Variants in MAP3K13 observed in about 807,000 individuals in gnomAD.
MAP3K13 encodes leucine zipper-bearing kinase.
MAP3K13 carries 52 observed loss-of-function variants against 104.0 expected under a neutral mutation model. The ratio of observed to expected loss-of-function variants is 0.50; its 90% confidence interval spans 0.40 to 0.63. The LOEUF (loss-of-function observed/expected upper bound fraction) is 0.63, where lower values mean the gene tolerates loss of function less well. Among genes scored for constraint, MAP3K13 ranks in the 20% least tolerant of loss-of-function variants. The pLI is 0.00. For synonymous variants in MAP3K13, 394 were observed against 442.2 expected (o/e 0.89, Z 1.37); for missense variants, 914 against 1,218.5 (o/e 0.75, Z 3.72).
chr3:185,319,615 T>C (rs1011689114), intron 2 of MAP3K13, among the ~76,000 whole-genome samples: 2 of 152,228 alleles, frequency 1.3e-5, no homozygotes, highest in Non-Finnish European at 2.9e-5. Context: ...TGAATGCTTC[T>C]TCAGTCCTTC....
intron 3 of MAP3K13, among the ~76,000 whole-genome samples, chr3:185,442,908 C>T (rs1305353092): frequency 6.6e-6 from 1 of 151,770 alleles, no homozygotes; most frequent in African/African-American, 2.4e-5. Context: ...GGTGCAATCT[C>T]GGCTCACTGC....
chr3:185,470,507 C>CGTCT (rs1204977656), intron 10 of MAP3K13, among the ~76,000 whole-genome samples: 2 of 152,160 alleles, frequency 1.3e-5, no homozygotes, highest in African/African-American at 2.4e-5. Flanking sequence ...CGCACTAGCC[C>CGTCT]GTCTCTTCCT....
chr3:185,425,016 T>G lies in MAP3K13; in HGVS notation c.-85-3481T>G, dbSNP rs143228821. Among the ~76,000 whole-genome samples, 584 of 152,292 alleles carry G rather than the reference T, an allele frequency of 3.8e-3. 4 individuals carry two copies. Among genetic ancestry groups the G allele is most frequent in the African/African-American group, 0.013 (539 of 41,566 alleles). On this transcript the variant is annotated intron_variant, in intron 1 of 13. Transcript: ENST00000265026. ...GCTAATTTTTGTATTTTCTGTAATTTCTGTATTTTTTGTAATGTTTGTATT... is the reference window on the plus strand; with the variant it reads ...GCTAATTTTTGTATTTTCTGTAATTGCTGTATTTTTTGTAATGTTTGTATT...
intron 2 of MAP3K13, among the ~76,000 whole-genome samples, chr3:185,320,734 T>TA (rs1193065136): frequency 5.3e-5 from 8 of 152,254 alleles, no homozygotes; most frequent in Non-Finnish European, 1.0e-4. Context: ...AGATGGAAAA[T>TA]ATGAGAGCAA....
At chr3:185,301,414 C>G (rs1721105443) in intron 2 of MAP3K13, among the ~76,000 whole-genome samples, 1 of 151,870 alleles carries the variant, frequency 6.6e-6, no homozygotes, top group African/African-American at 2.4e-5. Flanking sequence ...GTTGCCTTTT[C>G]ACTCTTAGAT....
In MAP3K13 at chr3:185,450,128, G is replaced by T; in HGVS notation, c.1169+70G>T. 7.2e-7 allele frequency: 1 copy of T among 1,388,338 alleles called. No individual in the cohort carries two copies. Among genetic ancestry groups the T allele is most frequent in the Middle Eastern group, 1.9e-4 (1 of 5,152 alleles). The allele number at this position is 1,388,338 out of a possible 1,614,324, so 86.0% of individuals were successfully genotyped here. ...ATTTGGAGTAAATATCCTGGTGGTG[G>T]AAAGAATAGGAGCTTTGGAGTAGGA... On this transcript the variant is annotated intron_variant, in intron 6 of 13. Transcript: ENST00000265026. This position sits in a 1 kb window ranked among gnomAD's most constrained non-coding sequence, Gnocchi z 4.2.
chr3:185,347,825 A>G (rs756960880), intron 2 of MAP3K13, among the ~76,000 whole-genome samples: 2 of 152,102 alleles, frequency 1.3e-5, no homozygotes, highest in African/African-American at 2.4e-5. Flanking sequence ...CCTGGCCAAC[A>G]TGGTGAAACC....
intron 1 of MAP3K13, among the ~76,000 whole-genome samples, chr3:185,387,535 A>G (rs936639595): frequency 1.3e-5 from 2 of 152,180 alleles, no homozygotes; most frequent in Non-Finnish European, 2.9e-5. Flanking sequence ...AGCCTCGGGT[A>G]TTCCTTTTTA....
intron 1 of MAP3K13, among the ~76,000 whole-genome samples, chr3:185,375,921 G>A (rs1461273847): frequency 1.3e-5 from 2 of 152,192 alleles, no homozygotes; most frequent in African/African-American, 2.4e-5. Flanking sequence ...TTGACGCATA[G>A]TCGCTTTGCA....
In MAP3K13 at chr3:185,454,854, TACATGATATATATATGAGATATATATATG is replaced by T. The variant is rs1716291363; in HGVS notation, c.1278+3461_1278+3489del. Among the ~76,000 whole-genome samples the T allele has an allele frequency of 1.3e-4, 9 of 71,626 alleles. No homozygotes were observed. In the South Asian group the frequency reaches 3.1e-3, roughly 24 times the overall value. 47.0% of individuals were successfully genotyped at this position (71,626 alleles called of 152,430 possible). On this transcript the variant is annotated intron_variant, in intron 7 of 13. Transcript: ENST00000265026. ...ATACATGATATATATATGAGATATA[TACATGATATATATATGAGATATATATATG>T]ATATATATATGAGATATATATATGA...
intron 2 of MAP3K13, among the ~76,000 whole-genome samples, chr3:185,334,378 A>C (rs956912583): frequency 2.6e-5 from 4 of 152,218 alleles, no homozygotes; most frequent in Non-Finnish European, 5.9e-5. Flanking sequence ...AAAGTAACAA[A>C]AAGGTAAATG....
At chr3:185,425,642 G>T (rs1425805203) in intron 1 of MAP3K13, among the ~76,000 whole-genome samples, 5 of 152,056 alleles carry the variant, frequency 3.3e-5, no homozygotes, top group African/African-American at 1.2e-4. Context: ...GCTCTCTGTT[G>T]TCATGAGGAT....
At chr3:185,474,013 T>A (rs1717965883) in intron 11 of MAP3K13, among the ~76,000 whole-genome samples, 1 of 152,160 alleles carries the variant, frequency 6.6e-6, no homozygotes, top group African/African-American at 2.4e-5. Context: ...AATAACTTAT[T>A]TATAGATAAC....
At chr3:185,434,016 C>T (rs962965950) in intron 2 of MAP3K13, among the ~76,000 whole-genome samples, 2 of 151,746 alleles carry the variant, frequency 1.3e-5, no homozygotes, top group African/African-American at 2.4e-5. Flanking sequence ...ATACCATACA[C>T]CAAAATAAGT....
At chr3:185,296,047 G>A (rs2108676409) in intron 2 of MAP3K13, among the ~76,000 whole-genome samples, 1 of 152,150 alleles carries the variant, frequency 6.6e-6, no homozygotes, top group East Asian at 1.9e-4. Flanking sequence ...TTCAAGACCA[G>A]CAACACAGTG....
chr3:185,397,891 T>C (rs1712522885), intron 1 of MAP3K13, among the ~76,000 whole-genome samples: 1 of 152,104 alleles, frequency 6.6e-6, no homozygotes, highest in Non-Finnish European at 1.5e-5. Flanking sequence ...AGCCTGCCCA[T>C]ATGCCAGTAA....
intron 2 of MAP3K13, among the ~76,000 whole-genome samples, chr3:185,436,928 G>C (rs904280313): frequency 7.4e-6 from 1 of 135,372 alleles, no homozygotes; most frequent in African/African-American, 2.7e-5. Flanking sequence ...TTGAACCCCA[G>C]AGGCAGAGGT....
chr3:185,352,534 A>G (rs1161010950), intron 2 of MAP3K13, among the ~76,000 whole-genome samples: 1 of 152,192 alleles, frequency 6.6e-6, no homozygotes, highest in Non-Finnish European at 1.5e-5. Context: ...TTCGAGGACA[A>G]TCTCTACCAC....
rs555911912 is a variant in MAP3K13, at chr3:185,373,321, T to C, written c.-86+9953T>C. Among the ~76,000 whole-genome samples the C allele has an allele frequency of 9.2e-4, 140 of 152,338 alleles. 4 individuals carry two copies. In the South Asian group the frequency reaches 0.028, roughly 30 times the overall value. ...AATTCCTCAGATTCTCCTATTTTTG[T>C]ATGTAATTCATAAAATATAGTTTAT... On this transcript the variant is annotated intron_variant, in intron 1 of 13. Coordinates refer to ENST00000265026, the MANE Select transcript of MAP3K13 (RefSeq NM_004721.5).
Sources: gnomAD v4.1 joint callset for allele counts (sites outside exome capture counted in the v4.1 genomes callset) on GRCh38, gnomAD v4.1.1 for gene constraint, Gnocchi (gnomAD v3.1) non-coding constraint, MANE v1.5 for transcripts, NCBI Gene and HGNC (gene_info 2026-07-23, HGNC 2026-07-21) for gene names.